Variants in CPN1 observed in about 807,000 individuals in gnomAD.
CPN1 encodes carboxypeptidase N catalytic chain.
A neutral mutation model predicts 46.4 loss-of-function variants in CPN1; 37 were observed. The observed-to-expected ratio is 0.80, with a 90% confidence interval of 0.61 to 1.05. The LOEUF is 1.05. Among genes scored for constraint, CPN1 ranks in the 50% least tolerant of loss-of-function variants. The probability of loss-of-function intolerance (pLI) is 0.00; values close to 1 mark genes in which losing one functional copy is unlikely to be tolerated. For synonymous variants in CPN1, 224 were observed against 235.4 expected (o/e 0.95, Z 0.44); for missense variants, 563 against 602.6 (o/e 0.93, Z 0.69).
At chr10:100,066,058 C>A (rs1017978068) in intron 3 of CPN1, among the ~76,000 whole-genome samples, 1 of 151,888 alleles carries the variant, frequency 6.6e-6, no homozygotes, top group African/African-American at 2.4e-5. Context: ...CGGACTCAAG[C>A]GATCCTCCTA....
At chr10:100,068,541 C>CT (rs1212053690) in intron 3 of CPN1, among the ~76,000 whole-genome samples, 3 of 151,310 alleles carry the variant, frequency 2.0e-5, no homozygotes, top group Non-Finnish European at 3.0e-5. Flanking sequence ...ATTCCTTGAA[C>CT]TTTTTTTTTG....
chr10:100,053,111 A>G (rs1161094276), intron 7 of CPN1, among the ~76,000 whole-genome samples: 2 of 152,224 alleles, frequency 1.3e-5, no homozygotes, highest in Non-Finnish European at 2.9e-5. Flanking sequence ...CTGTGTCCAG[A>G]CATTTGGCTA....
At chr10:100,056,479 A>G (rs2041384982) in intron 6 of CPN1, among the ~76,000 whole-genome samples, 1 of 152,150 alleles carries the variant, frequency 6.6e-6, no homozygotes, top group South Asian at 2.1e-4. Flanking sequence ...TAAGTTCCAT[A>G]TGGGCAGGGA....
rs181819988 is a variant in CPN1, at chr10:100,068,114, T to C, written c.576+1600A>G. Among the ~76,000 whole-genome samples, 1,086 of 136,890 alleles carry C rather than the reference T, an allele frequency of 7.9e-3. 10 individuals are homozygous for C. The highest frequency in any genetic ancestry group is 0.027 in the African/African-American group (956 of 35,288). 89.8% of individuals were successfully genotyped at this position (136,890 alleles called of 152,430 possible). ...TTGCAGTGAGCCAAGATTGTGCCACTGCACTCCAGCCTGGAGGGTAAAAGA... is the reference window on the plus strand; with the variant it reads ...TTGCAGTGAGCCAAGATTGTGCCACCGCACTCCAGCCTGGAGGGTAAAAGA... On this transcript the variant is annotated intron_variant, in intron 3 of 8. Transcript: ENST00000370418.
Position 100,081,618 on chromosome 10 carries a change from T to C in CPN1, c.8A>G (p.Asp3Gly). ...GAGGTGGAGGAAGACTGAGAGCAGG[T>C]CTGACATCTTGCTGGGCTTTTTCAA... The part of the protein sequence containing the change: MS[D>G]LLSVFLHLLL... The change falls in exon 1 of 9, where the codon GAC (aspartate) becomes GGC (glycine). Residue 3 changes from aspartate to glycine, a missense_variant. Physicochemically the swap from Asp to Gly is moderately conservative, Grantham distance 94. Coordinates refer to ENST00000370418, the MANE Select transcript of CPN1 (RefSeq NM_001308.3). 6.2e-7 allele frequency: 1 copy of C among 1,614,078 alleles called. No individual in the cohort carries two copies. Among genetic ancestry groups the C allele is most frequent in the South Asian group, 1.1e-5 (1 of 91,080 alleles).
intron 1 of CPN1, among the ~76,000 whole-genome samples, chr10:100,079,606 C>A (rs867954370): frequency 6.6e-6 from 1 of 152,170 alleles, no homozygotes; most frequent in South Asian, 2.1e-4. Context: ...AGTTTCAAAG[C>A]GAGGCAATTA....
intron 5 of CPN1, among the ~76,000 whole-genome samples, chr10:100,057,801 A>G (rs1012029354): frequency 6.6e-6 from 1 of 152,150 alleles, no homozygotes; most frequent in African/African-American, 2.4e-5. Context: ...TGATGATAGC[A>G]GGTCATACAG....
chr10:100,061,513 C>A (rs2041417993), intron 5 of CPN1, among the ~76,000 whole-genome samples: 1 of 152,158 alleles, frequency 6.6e-6, no homozygotes, highest in African/African-American at 2.4e-5. Flanking sequence ...GGTGGGGTAC[C>A]ACTTATTAGA....
At chr10:100,072,289 C>T (rs2041490308) in intron 2 of CPN1, among the ~76,000 whole-genome samples, 1 of 152,142 alleles carries the variant, frequency 6.6e-6, no homozygotes, top group Non-Finnish European at 1.5e-5. Flanking sequence ...GATCCTCCCA[C>T]CTCAGCCTCC....
intron 6 of CPN1, among the ~76,000 whole-genome samples, chr10:100,055,199 C>G (rs11190383): frequency 0.26 from 38,995 of 151,426 alleles, 5,837 homozygotes; most frequent in Non-Finnish European, 0.34. Flanking sequence ...GATCACGCCA[C>G]TGCACTCCAG....
At chr10:100,076,214 T>C (rs1245543100) in intron 1 of CPN1, 107 bp from the exon 2 acceptor site, 2 of 1,067,504 alleles carry the variant, frequency 1.9e-6, no homozygotes, top group Non-Finnish European at 2.8e-6. Flanking sequence ...GAAAATCTCA[T>C]GCTTTCATTG....
intron 7 of CPN1, 52 bp downstream of exon 7, chr10:100,054,295 G>T: frequency 2.8e-6 from 4 of 1,404,908 alleles, no homozygotes; most frequent in Non-Finnish European, 4.0e-6. Context: ...TTATGCTGAA[G>T]AAGATGCAGG....
intron 7 of CPN1, among the ~76,000 whole-genome samples, chr10:100,052,716 T>A (rs560257411): frequency 6.6e-6 from 1 of 151,540 alleles, no homozygotes; most frequent in Non-Finnish European, 1.5e-5. Context: ...AAAATAAAAA[T>A]AAAAAATAAA....
In CPN1 at chr10:100,065,244, G is replaced by A; in HGVS notation, c.703C>T (p.Arg235Ter). Residue 235 changes from arginine (R) to a stop codon, truncating the protein, a stop_gained, in exon 4 of 9, where the codon CGA (arginine) becomes TGA (stop). Transcript: ENST00000370418. LOFTEE classifies it high-confidence loss of function. ...GTGCTGGCGGTGCGGCGGACCCCTC[G>A]GACCCGGTGCTCAAAGGACTTGTCA... ...PYDKSFEHRV[R>*]GVRRTASTPT... is the part of the protein sequence containing the mutation. 6.2e-7 allele frequency: 1 copy of A among 1,614,138 alleles called. No individual in the cohort carries two copies.
intron 5 of CPN1, among the ~76,000 whole-genome samples, chr10:100,059,599 A>C (rs1291835017): frequency 6.6e-6 from 1 of 151,846 alleles, no homozygotes. Context: ...TATCAAAAAA[A>C]AAAAAAAAAA....
At chr10:100,074,542 A>G (rs557745161) in intron 2 of CPN1, among the ~76,000 whole-genome samples, 109 of 152,224 alleles carry the variant, frequency 7.2e-4, no homozygotes, top group Middle Eastern at 6.8e-3. Context: ...CAGCCTCCCA[A>G]GTAGGTGGAA....
intron 7 of CPN1, among the ~76,000 whole-genome samples, chr10:100,052,339 G>A (rs2041360192): frequency 6.6e-6 from 1 of 152,020 alleles, no homozygotes; most frequent in African/African-American, 2.4e-5. Context: ...CCAAAGTGCT[G>A]GGATTACAGG....
intron 5 of CPN1, among the ~76,000 whole-genome samples, chr10:100,061,997 C>T (rs1478382018): frequency 1.3e-5 from 2 of 152,006 alleles, no homozygotes; most frequent in African/African-American, 2.4e-5. Context: ...TGAGCCACTG[C>T]GCCCAGCCGT....
intron 3 of CPN1, among the ~76,000 whole-genome samples, chr10:100,068,702 AT>A (rs894630556): frequency 5.3e-4 from 81 of 152,034 alleles, no homozygotes; most frequent in African/African-American, 1.9e-3. Flanking sequence ...ACCCAGCTAA[AT>A]TTTGTATTTT....
Sources: allele counts gnomAD v4.1 joint callset (sites outside exome capture counted in the v4.1 genomes callset), GRCh38; gene constraint gnomAD v4.1.1; transcripts MANE v1.5; gene names NCBI Gene and HGNC (gene_info 2026-07-23, HGNC 2026-07-21).